TPO: variants seen among roughly 807,000 people sequenced by gnomAD.
TPO encodes thyroid peroxidase, also known as thyroid microsomal antigen.
TPO carries 78 observed loss-of-function variants against 96.9 expected under a neutral mutation model. The ratio of observed to expected loss-of-function variants is 0.81; its 90% CI spans 0.67 to 0.97. The LOEUF is 0.97. Ranked by LOEUF, TPO falls within the 50% of genes least tolerant of loss-of-function variation. The probability of loss-of-function intolerance (pLI) is 0.00; values close to 1 mark genes in which losing one functional copy is unlikely to be tolerated. For synonymous variants in TPO, 547 were observed against 538.0 expected, an observed-to-expected ratio of 1.02 and a Z score of -0.23; for missense variants, 1,252 against 1,274.8, an observed-to-expected ratio of 0.98 and a Z score of 0.27.
intron 1 of TPO, among the ~76,000 whole-genome samples, chr2:1,376,341 A>T (rs1558240142): frequency 6.6e-6 from 1 of 152,162 alleles, no homozygotes; most frequent in Admixed American, 6.6e-5. Flanking sequence ...TCTTTTAAAC[A>T]ATGGTTTAGG....
chr2:1,522,581 C>A (rs539584268), intron 15 of TPO, among the ~76,000 whole-genome samples: 52 of 152,274 alleles, frequency 3.4e-4, no homozygotes, highest in African/African-American at 1.2e-3. Flanking sequence ...GTGTGATGCC[C>A]AGCCATTCCC....
chr2:1,522,908 T>G (rs1266403475), intron 15 of TPO, among the ~76,000 whole-genome samples: 3 of 131,926 alleles, frequency 2.3e-5, no homozygotes, highest in Non-Finnish European at 4.7e-5. Context: ...CCCCCCACTG[T>G]GTGCAACTTC....
At chr2:1,459,702 A>C (rs1668223620) in intron 7 of TPO, among the ~76,000 whole-genome samples, 1 of 152,124 alleles carries the variant, frequency 6.6e-6, no homozygotes, top group Non-Finnish European at 1.5e-5. Context: ...AAAATATCCC[A>C]AAAGGAATAA....
chr2:1,437,819 C>G (rs1665735067), intron 5 of TPO, among the ~76,000 whole-genome samples: 1 of 136,298 alleles, frequency 7.3e-6, no homozygotes, highest in African/African-American at 2.7e-5. Flanking sequence ...CTGTCCACCC[C>G]TCCTGCCCTG....
intron 15 of TPO, among the ~76,000 whole-genome samples, chr2:1,532,030 C>A (rs1433400954): frequency 8.5e-6 from 1 of 117,298 alleles, no homozygotes; most frequent in Non-Finnish European, 1.9e-5. Flanking sequence ...CCTCAAATCC[C>A]CTCACTGTGT....
chr2:1,517,342 A>C (rs1019852928), intron 15 of TPO, among the ~76,000 whole-genome samples: 7 of 152,208 alleles, frequency 4.6e-5, no homozygotes, highest in Non-Finnish European at 8.8e-5. Flanking sequence ...TCCATGAATA[A>C]AAAGTTTTAT....
chr2:1,406,956 T>C (rs1295400385), intron 1 of TPO, among the ~76,000 whole-genome samples: 1 of 152,180 alleles, frequency 6.6e-6, no homozygotes, highest in African/African-American at 2.4e-5. Flanking sequence ...CATAAATGTA[T>C]TATGTGCAGG....
At chr2:1,399,397 A>T (rs1004843247) in intron 1 of TPO, among the ~76,000 whole-genome samples, 8 of 152,254 alleles carry the variant, frequency 5.3e-5, no homozygotes, top group Non-Finnish European at 1.5e-5. Flanking sequence ...ACCTGAAGCC[A>T]TGGAGAGAAC....
intron 5 of TPO, among the ~76,000 whole-genome samples, chr2:1,452,576 T>C (rs1254595875): frequency 6.6e-6 from 1 of 152,238 alleles, no homozygotes; most frequent in Non-Finnish European, 1.5e-5. Context: ...CCTGTGACTA[T>C]GTCGCTGGGA....
rs752481333 is a variant in TPO at position 1,495,971 on chromosome 2, C to T, written c.2007-18C>T. ...TCTCCATGCACTGTGACCTTACTCA[C>T]TGTCTCCTTCTCTGGAGGTTTTGGT... On this transcript the variant is annotated intron_variant, in intron 11 of 16. Transcript: ENST00000329066. The T allele has an allele frequency of 6.2e-7, 1 of 1,608,894 alleles. No homozygotes were observed. The highest frequency in any genetic ancestry group is 8.5e-7 in the Non-Finnish European group (1 of 1,179,164).
intron 1 of TPO, among the ~76,000 whole-genome samples, chr2:1,382,549 C>T (rs1460314356): frequency 2.0e-5 from 3 of 152,076 alleles, no homozygotes; most frequent in Non-Finnish European, 4.4e-5. Context: ...GTGAACAAAG[C>T]ATTGCCTTTG....
chr2:1,515,479 A>C (rs1309464371), intron 14 of TPO, among the ~76,000 whole-genome samples: 1 of 152,194 alleles, frequency 6.6e-6, no homozygotes, highest in African/African-American at 2.4e-5. Context: ...AGAGGACAGG[A>C]TCGTTTTGGA....
chr2:1,447,918 A>C (rs1466327143), intron 5 of TPO, among the ~76,000 whole-genome samples: 1 of 152,204 alleles, frequency 6.6e-6, no homozygotes, highest in African/African-American at 2.4e-5. Context: ...TTAAACAATT[A>C]GCCACATTTC....
chr2:1,490,751 A>T (rs1000686588), intron 10 of TPO, among the ~76,000 whole-genome samples: 4 of 152,250 alleles, frequency 2.6e-5, no homozygotes, highest in Non-Finnish European at 5.9e-5. Context: ...GTTCGATCTG[A>T]GGATAAATCA....
chr2:1,470,295 A>C (rs1344008463), intron 7 of TPO, among the ~76,000 whole-genome samples: 1 of 152,118 alleles, frequency 6.6e-6, no homozygotes, highest in African/African-American at 2.4e-5. Flanking sequence ...CTTAGATCCA[A>C]ATAACTTTGG....
intron 11 of TPO, among the ~76,000 whole-genome samples, 168 bp downstream of exon 11, chr2:1,494,207 C>T (rs910969487): frequency 6.6e-6 from 1 of 152,214 alleles, no homozygotes; most frequent in African/African-American, 2.4e-5. Context: ...TAACCTAGAA[C>T]AGTGTTTTTA....
At chr2:1,402,967 C>T (rs1662194653) in intron 1 of TPO, among the ~76,000 whole-genome samples, 1 of 152,226 alleles carries the variant, frequency 6.6e-6, no homozygotes, top group Admixed American at 6.5e-5. Context: ...CCGGCATCCT[C>T]ATTGGAGCCA....
chr2:1,490,822 C>A (rs928582360), intron 10 of TPO, among the ~76,000 whole-genome samples: 1 of 152,130 alleles, frequency 6.6e-6, no homozygotes, highest in Non-Finnish European at 1.5e-5. Flanking sequence ...TCCACTACGC[C>A]CTGAAATCTT....
intron 1 of TPO, among the ~76,000 whole-genome samples, chr2:1,387,275 A>AT (rs1214367085): frequency 6.6e-6 from 1 of 152,010 alleles, no homozygotes; most frequent in African/African-American, 2.4e-5. Context: ...TAGGTTGGGG[A>AT]TGTTCTCCTG....
Sources: allele counts gnomAD v4.1 joint callset (sites outside exome capture counted in the v4.1 genomes callset), GRCh38; gene constraint gnomAD v4.1.1; transcripts MANE v1.5; gene names NCBI Gene and HGNC (gene_info 2026-07-23, HGNC 2026-07-21).